ANKRD40CL: variants seen among roughly 807,000 people sequenced by gnomAD.
The protein encoded by ANKRD40CL is putative ANKRD40 C-terminal-like protein.
For synonymous variants in ANKRD40CL, 5 were observed against 2.3 expected (o/e 2.14, Z -1.04); for missense variants, 11 against 6.4 (o/e 1.71, Z -0.77).
intron 2 of ANKRD40CL, among the ~76,000 whole-genome samples, chr17:50,765,725 G>A (rs1250739808): frequency 6.6e-6 from 1 of 152,214 alleles, no homozygotes; most frequent in Non-Finnish European, 1.5e-5. Flanking sequence ...ATGGGGGTGG[G>A]TGAGAGTGTC....
chr17:50,762,096 T>A (rs922565740), intron 3 of ANKRD40CL, among the ~76,000 whole-genome samples: 12 of 151,166 alleles, frequency 7.9e-5, no homozygotes, highest in Admixed American at 7.2e-4. Flanking sequence ...ATTTTTGTAT[T>A]TTCCTGTAGA....
intron 2 of ANKRD40CL, among the ~76,000 whole-genome samples, chr17:50,766,021 T>C (rs556425191): frequency 6.6e-6 from 1 of 152,302 alleles, no homozygotes; most frequent in East Asian, 1.9e-4. Flanking sequence ...TGCAAGGCCC[T>C]GGGCAGCTGC....
chr17:50,764,728 C>A (rs1269775091), intron 2 of ANKRD40CL: 3 of 152,280 alleles, frequency 2.0e-5, no homozygotes, highest in African/African-American at 7.2e-5. Flanking sequence ...ATGTTGAAAG[C>A]CTGCTTTGCA....
chr17:50,766,750 AC>A, intron 2 of ANKRD40CL, 123 bp downstream of exon 2: 1 of 586,368 alleles, frequency 1.7e-6, no homozygotes, highest in Non-Finnish European at 3.0e-6. Context: ...TCACTACCCC[AC>A]TGGCAGAGTG....
At chr17:50,763,867 A>G (rs1971249982) in intron 2 of ANKRD40CL, 1 of 372,356 alleles carries the variant, frequency 2.7e-6, no homozygotes, top group African/African-American at 2.1e-5. Context: ...CCCTTGGGCA[A>G]TACATAGCAG....
At chr17:50,761,626 CAG>C (rs1429467340) in intron 3 of ANKRD40CL, 120 bp from the exon 4 acceptor site, 2 of 372,506 alleles carry the variant, frequency 5.4e-6, no homozygotes, top group African/African-American at 2.1e-5. Flanking sequence ...TTTTTTGAGA[CAG>C]AGTCTTGCTT....
intron 3 of ANKRD40CL, among the ~76,000 whole-genome samples, chr17:50,762,259 C>A (rs1971213924): frequency 6.6e-6 from 1 of 152,084 alleles, no homozygotes; most frequent in African/African-American, 2.4e-5. Flanking sequence ...CATGATCATC[C>A]CTTGACATGT....
At chr17:50,765,443 T>C (rs1971284715) in intron 2 of ANKRD40CL, among the ~76,000 whole-genome samples, 1 of 152,226 alleles carries the variant, frequency 6.6e-6, no homozygotes, top group African/African-American at 2.4e-5. Flanking sequence ...AAAGCCTCAC[T>C]GTCCCCAAAA....
rs185407966 is a variant in ANKRD40CL at position 50,761,493 on chromosome 17, C to G, written c.215G>C (p.Arg72Pro). Residue 72 changes from arginine to proline, a missense_variant, in exon 4 of 4, where the codon CGA becomes CCA. Transcript: ENST00000450727. ...CACTTCCTGAAAGTCCCGCAGTCTT[C>G]GAATGTCTTTGTCCTTAATGTAGAA... ...NTLLRKDKDIRRLRDFQEVEL... is the reference protein window; with the variant it reads ...NTLLRKDKDIPRLRDFQEVEL... 3 of 398,810 alleles carry G rather than the reference C, an allele frequency of 7.5e-6. No individual in the cohort carries two copies. Among genetic ancestry groups the G allele is most frequent in the Non-Finnish European group, 1.3e-5 (3 of 226,036 alleles). The allele number at this position is 398,810 out of a possible 1,614,324, so 24.7% of individuals were successfully genotyped here.
intron 2 of ANKRD40CL, chr17:50,764,056 A>T (rs1452714635): frequency 2.5e-6 from 1 of 397,936 alleles, no homozygotes; most frequent in Non-Finnish European, 4.4e-6. Context: ...GTGGCATTGT[A>T]TTCCAACTTA....
intron 3 of ANKRD40CL, among the ~76,000 whole-genome samples, chr17:50,761,719 CTCACTTG>C (rs1301137342): frequency 1.3e-5 from 2 of 152,062 alleles, no homozygotes; most frequent in East Asian, 3.9e-4. Flanking sequence ...ATTCTCCTGC[CTCACTTG>C]GCTCACTGCA....
intron 2 of ANKRD40CL, among the ~76,000 whole-genome samples, chr17:50,765,750 A>G (rs1198002391): frequency 1.3e-5 from 2 of 151,932 alleles, no homozygotes; most frequent in Non-Finnish European, 2.9e-5. Flanking sequence ...GCTGCCTGCC[A>G]CTCCTCAACT....
chr17:50,766,675 T>C (rs901886969), intron 2 of ANKRD40CL, 199 bp downstream of exon 2: 25 of 486,184 alleles, frequency 5.1e-5, no homozygotes, highest in Admixed American at 1.1e-4. Flanking sequence ...CTGCTATTAT[T>C]ATTTATTATA....
chr17:50,765,505 G>A (rs1480940738), intron 2 of ANKRD40CL, among the ~76,000 whole-genome samples: 1 of 152,216 alleles, frequency 6.6e-6, no homozygotes, highest in African/African-American at 2.4e-5. Flanking sequence ...CAGGAAAATT[G>A]AGGCTGAAAG....
chr17:50,767,207 A>T (rs1283550073), intron 1 of ANKRD40CL, 196 bp from the exon 2 acceptor site: 2 of 606,944 alleles, frequency 3.3e-6, no homozygotes, highest in Admixed American at 4.3e-5. Flanking sequence ...GCAGGCCGGT[A>T]GTACTCACCC....
chr17:50,763,313 G>T, intron 3 of ANKRD40CL, 84 bp downstream of exon 3: 1 of 398,794 alleles, frequency 2.5e-6, no homozygotes, highest in South Asian at 1.3e-4. Flanking sequence ...CTGGTGTCAT[G>T]AAATGCAGAA....
chr17:50,764,948 A>G (rs1388325059), intron 2 of ANKRD40CL: 1 of 152,256 alleles, frequency 6.6e-6, no homozygotes, highest in Non-Finnish European at 1.5e-5. Context: ...ATTTGAGCTG[A>G]CATCTGAAGG....
intron 2 of ANKRD40CL, among the ~76,000 whole-genome samples, chr17:50,765,319 T>C (rs906746392): frequency 3.9e-5 from 6 of 152,208 alleles, no homozygotes; most frequent in Non-Finnish European, 1.5e-5. Flanking sequence ...TACATTTCTA[T>C]TGGGCAGCAT....
chr17:50,763,980 CTT>C (rs1237724549), intron 2 of ANKRD40CL: 1 of 394,506 alleles, frequency 2.5e-6, no homozygotes, highest in African/African-American at 2.1e-5. Context: ...GCAAATCGCT[CTT>C]GAGATTCCTA....
Sources: allele counts gnomAD v4.1 joint callset (sites outside exome capture counted in the v4.1 genomes callset), GRCh38; gene constraint gnomAD v4.1.1; transcripts MANE v1.5; gene names NCBI Gene and HGNC (gene_info 2026-07-23, HGNC 2026-07-21).